Variants in TNS4 observed in about 807,000 individuals in gnomAD.
TNS4 encodes tensin-4.
Under a neutral mutation model 70.4 loss-of-function variants are expected in TNS4, and 46 were observed. The ratio of observed to expected loss-of-function variants is 0.65; its 90% CI spans 0.52 to 0.84. The LOEUF (loss-of-function observed/expected upper bound fraction) is 0.84, where lower values mean the gene tolerates loss of function less well. Ranked by LOEUF, TNS4 falls within the 40% of genes least tolerant of loss-of-function variation. The probability of loss-of-function intolerance (pLI) is 0.00; values close to 1 mark genes in which losing one functional copy is unlikely to be tolerated. For synonymous variants in TNS4, 390 were observed against 366.6 expected (o/e 1.06, Z -0.73); for missense variants, 863 against 907.0 (o/e 0.95, Z 0.62).
At chr17:40,480,633 T>TGC (rs2035909514) in intron 9 of TNS4, 67 bp downstream of exon 9, 1 of 1,415,904 alleles carries the variant, frequency 7.1e-7, no homozygotes, top group Admixed American at 2.9e-5. Flanking sequence ...CGTGCGTGTG[T>TGC]GCAGGGTTGG....
chr17:40,495,794 A>C (rs1444943992), intron 2 of TNS4, among the ~76,000 whole-genome samples, 193 bp downstream of exon 2: 2 of 152,182 alleles, frequency 1.3e-5, no homozygotes, highest in Admixed American at 1.3e-4. Flanking sequence ...AACCAAATAG[A>C]ATTGGCTAGT....
chr17:40,480,543 G>A (rs1010893790), intron 9 of TNS4, among the ~76,000 whole-genome samples, 157 bp downstream of exon 9: 9 of 152,124 alleles, frequency 5.9e-5, no homozygotes, highest in Non-Finnish European at 1.3e-4. Flanking sequence ...GATGGGGAGC[G>A]GGTGTGGCAC....
chr17:40,499,222 C>T (rs559210571), intron 1 of TNS4, among the ~76,000 whole-genome samples: 1 of 152,248 alleles, frequency 6.6e-6, no homozygotes, highest in African/African-American at 2.4e-5. Flanking sequence ...CTGTTTTGTT[C>T]CCACGTAATT....
At chr17:40,480,274 T>C (rs2143781469) in intron 9 of TNS4, among the ~76,000 whole-genome samples, 1 of 152,280 alleles carries the variant, frequency 6.6e-6, no homozygotes, top group South Asian at 2.1e-4. Context: ...CTGAGACAAG[T>C]GCTGATGTGT....
chr17:40,499,466 A>G (rs995460674), intron 1 of TNS4, among the ~76,000 whole-genome samples: 2 of 152,224 alleles, frequency 1.3e-5, no homozygotes, highest in Non-Finnish European at 2.9e-5. Context: ...ACAATGCCAC[A>G]TGGAATTCAA....
Position 40,477,560 on chromosome 17 carries a change from T to C in TNS4, c.*28A>G. 6.8e-6 allele frequency: 11 copies of C among 1,612,512 alleles called. No individual in the cohort carries two copies. The highest frequency in any genetic ancestry group is 9.3e-6 in the Non-Finnish European group (11 of 1,179,058). ...GCTCCTTAGCGAGCCCCTGGAGGTG[T>C]TGGTTAGGTGCACAGGCAGTCTCTC... On this transcript the variant is annotated 3_prime_UTR_variant, in exon 13 of 13. Coordinates refer to ENST00000254051, the MANE Select transcript of TNS4 (RefSeq NM_032865.6).
At chr17:40,479,591 T>A (rs1455164906) in intron 10 of TNS4, 83 bp downstream of exon 10, 9 of 1,524,882 alleles carry the variant, frequency 5.9e-6, no homozygotes, top group Non-Finnish European at 8.0e-6. Flanking sequence ...TTGACCTTCA[T>A]CCCTGATCTG....
intron 1 of TNS4, among the ~76,000 whole-genome samples, chr17:40,498,877 A>C (rs2036177107): frequency 1.3e-5 from 2 of 152,074 alleles, no homozygotes; most frequent in African/African-American, 4.8e-5. Flanking sequence ...TTGTCAGTCC[A>C]TTTTACAGAT....
intron 12 of TNS4, chr17:40,477,987 T>C: frequency 1.7e-6 from 1 of 599,658 alleles, no homozygotes; most frequent in East Asian, 2.8e-5. Flanking sequence ...GACCTGTGCA[T>C]TCCCCATTAG....
At chr17:40,487,558 A>G in intron 3 of TNS4, 98 bp from the exon 4 acceptor site, 1 of 1,349,814 alleles carries the variant, frequency 7.4e-7, no homozygotes, top group Non-Finnish European at 1.0e-6. Flanking sequence ...CCATGGCTTT[A>G]AAGGCCAAAT....
At chr17:40,486,977 C>T in intron 4 of TNS4, 59 bp downstream of exon 4, 3 of 1,584,648 alleles carry the variant, frequency 1.9e-6, no homozygotes, top group Middle Eastern at 1.7e-4. Context: ...CAGAAACCCA[C>T]TGGCACTTTG....
At chr17:40,481,902 C>CT (rs1404603746) in intron 8 of TNS4, among the ~76,000 whole-genome samples, 4 of 152,238 alleles carry the variant, frequency 2.6e-5, no homozygotes, top group African/African-American at 9.6e-5. Context: ...CTCTTTCGGT[C>CT]TGCACAGCAA....
chr17:40,497,046 G>A (rs555627396), intron 1 of TNS4, among the ~76,000 whole-genome samples: 14 of 152,326 alleles, frequency 9.2e-5, no homozygotes, highest in African/African-American at 2.4e-4. Context: ...CTGCCAACAA[G>A]TGTAGAGAAG....
At chr17:40,495,877 C>T in intron 2 of TNS4, 110 bp downstream of exon 2, 3 of 1,252,204 alleles carry the variant, frequency 2.4e-6, no homozygotes, top group East Asian at 5.0e-5. Context: ...TAGGTTTGCA[C>T]AGCACCTCCC....
At chr17:40,492,482 C>T (rs1001291620) in intron 2 of TNS4, among the ~76,000 whole-genome samples, 1 of 152,130 alleles carries the variant, frequency 6.6e-6, no homozygotes, top group East Asian at 1.9e-4. Context: ...GATTCTCCCA[C>T]CTCAGCCTCC....
intron 1 of TNS4, among the ~76,000 whole-genome samples, chr17:40,500,521 T>A (rs2036198512): frequency 6.6e-6 from 1 of 152,106 alleles, no homozygotes; most frequent in African/African-American, 2.4e-5. Flanking sequence ...CTGCTCTATT[T>A]GTAGGTGCCC....
chr17:40,485,119 T>A, intron 4 of TNS4, 112 bp from the exon 5 acceptor site: 1 of 877,886 alleles, frequency 1.1e-6, no homozygotes, highest in Non-Finnish European at 1.8e-6. Flanking sequence ...AAGGTTTCAT[T>A]CAACCACCAT....
Position 40,482,110 on chromosome 17 carries a change from CT to C in TNS4, c.1672+18del. The C allele has an allele frequency of 6.2e-7, 1 of 1,613,410 alleles. No individual in the cohort carries two copies. Reference sequence around the variant, plus strand: ...CAGGTCCCCCACCTTGGCATTGCCTCTTTGGGGCCCAGACCCACCTCTCTGT... The same window carrying C: ...CAGGTCCCCCACCTTGGCATTGCCTCTTGGGGCCCAGACCCACCTCTCTGT... On this transcript the variant is annotated intron_variant, in intron 8 of 12. Transcript: ENST00000254051.
At position 40,496,459 on chromosome 17, in the gene TNS4, G is replaced by C. The variant is rs754573942; in HGVS notation, c.-34C>G. ...TGGTGACCTCTGCAGTTTACCTCTG[G>C]TCTTCAACCAGCCTCACTGACATCC... is the stretch of plus-strand genomic sequence containing the variant. On this transcript the variant is annotated 5_prime_UTR_variant, in exon 2 of 13. Coordinates refer to ENST00000254051, the MANE Select transcript of TNS4 (RefSeq NM_032865.6). The C allele has an allele frequency of 3.2e-6, 5 of 1,586,580 alleles. No individual in the cohort carries two copies. Among genetic ancestry groups the C allele is most frequent in the Non-Finnish European group, 4.3e-6 (5 of 1,169,426 alleles).
Sources: gnomAD v4.1 joint callset for allele counts (sites outside exome capture counted in the v4.1 genomes callset) on GRCh38, gnomAD v4.1.1 for gene constraint, MANE v1.5 for transcripts, NCBI Gene and HGNC (gene_info 2026-07-23, HGNC 2026-07-21) for gene names.